SLC20A1: variants seen among roughly 807,000 people sequenced by gnomAD.
SLC20A1 encodes the protein solute carrier family 20 member 1.
Under a neutral mutation model 62.7 loss-of-function variants are expected in SLC20A1, and 28 were observed. That is an observed-to-expected ratio of 0.45 (90% CI 0.33 to 0.61). The LOEUF is 0.61. SLC20A1 is among the 20% of genes least tolerant of loss of function. SLC20A1 has a pLI of 0.02. For missense variants in SLC20A1, 673 were observed against 838.6 expected, an observed-to-expected ratio of 0.80 and a Z score of 2.44; for synonymous variants, 305 against 302.9, an observed-to-expected ratio of 1.01 and a Z score of -0.07.
chr2:112,659,005 A>T lies in SLC20A1; in HGVS notation c.959A>T (p.Lys320Ile). The T allele has an allele frequency of 6.2e-7, 1 of 1,614,204 alleles. No homozygotes were observed. The highest frequency in any genetic ancestry group is 8.5e-7 in the Non-Finnish European group (1 of 1,180,036). Residue 320 changes from lysine (K) to isoleucine (I), a missense_variant, in exon 7 of 11, where the codon AAA becomes ATA. Transcript: ENST00000272542. ...AVVEERTVSF[K>I]LGDLEEAPER... ...GTGGAGGAGAGAACAGTCTCATTCAAACTTGGAGATTTGGAGGAAGCTCCA... is the reference window on the plus strand; with the variant it reads ...GTGGAGGAGAGAACAGTCTCATTCATACTTGGAGATTTGGAGGAAGCTCCA...
intron 6 of SLC20A1, 128 bp downstream of exon 6, chr2:112,657,369 A>G (rs1267708509): frequency 1.9e-5 from 19 of 982,698 alleles, no homozygotes; most frequent in Non-Finnish European, 2.6e-5. Flanking sequence ...ATTTGAGGAT[A>G]TGGGTTTGTT....
At chr2:112,658,544 AAAAAC>A (rs1174617710) in intron 6 of SLC20A1, 1 of 332,610 alleles carries the variant, frequency 3.0e-6, no homozygotes, top group Non-Finnish European at 5.5e-6. Context: ...TTGTAAAAAT[AAAAAC>A]AAAACAACAA....
chr2:112,659,811 T>C, intron 8 of SLC20A1, 49 bp downstream of exon 8: 2 of 1,513,784 alleles, frequency 1.3e-6, no homozygotes, highest in South Asian at 1.2e-5. Context: ...TTAAACCATT[T>C]ATCCTTGTCA....
Position 112,659,688 on chromosome 2 carries a change from C to G in SLC20A1, c.1533C>G (p.Val511=), listed in dbSNP as rs1408678017. Residue 511 remains valine (V), a synonymous_variant, in exon 8 of 11, where the codon GTC becomes GTG. Transcript: ENST00000272542. ...GGTATGACCAGGATAAGCCTGAAGT[C>G]TCTCTCCTCTTCCAGTTCCTGCAGA... ...EEWYDQDKPE[V]SLLFQFLQIL... The G allele has an allele frequency of 1.2e-6, 2 of 1,614,214 alleles. No homozygotes were observed. The highest frequency in any genetic ancestry group is 1.1e-5 in the South Asian group (1 of 91,088).
chr2:112,657,618 A>G (rs187284411), intron 6 of SLC20A1, among the ~76,000 whole-genome samples: 26 of 152,350 alleles, frequency 1.7e-4, no homozygotes, highest in African/African-American at 6.0e-4. Flanking sequence ...TAAGGGGTAG[A>G]TACAAGATAT....
Position 112,657,210 on chromosome 2 carries a change from T to C in SLC20A1, c.747T>C (p.Phe249=). ...AVFCALIVWF[F]VCPRMKRKIE... ...TCTGTGCCCTTATCGTCTGGTTCTT[T>C]GTATGTCCCAGGATGAAGAGAAAAA... Residue 249 remains phenylalanine, a synonymous_variant, in exon 6 of 11, where the codon TTT becomes TTC. Transcript: ENST00000272542. 3.7e-6 allele frequency: 6 copies of C among 1,613,974 alleles called. No homozygotes were observed. The highest frequency in any genetic ancestry group is 5.1e-6 in the Non-Finnish European group (6 of 1,179,966).
rs1686300325 is a variant in SLC20A1 at position 112,647,012 on chromosome 2, G to A, written c.184G>A (p.Ala62Thr). 2 of 1,614,020 alleles carry A rather than the reference G, an allele frequency of 1.2e-6. No homozygotes were observed. The highest frequency in any genetic ancestry group is 1.7e-6 in the Non-Finnish European group (2 of 1,180,038). ...VGSGVVTLKQ[A>T]CILASIFETV... Reference sequence around the variant, plus strand: ...CTCAGGTGTAGTGACCCTGAAGCAAGCCTGCATCCTAGCTAGCATCTTTGA... The same window carrying A: ...CTCAGGTGTAGTGACCCTGAAGCAAACCTGCATCCTAGCTAGCATCTTTGA... Residue 62 changes from alanine to threonine, a missense_variant, in exon 2 of 11, where the codon GCC (alanine) becomes ACC (threonine). By Grantham distance (58) the Ala-to-Thr change is moderately conservative. Coordinates refer to ENST00000272542, the MANE Select transcript of SLC20A1 (RefSeq NM_005415.5).
In SLC20A1 at chr2:112,647,632, TC is replaced by T. The variant is rs754590210; in HGVS notation, c.476-20del. 3 of 1,603,032 alleles carry T rather than the reference TC, an allele frequency of 1.9e-6. No individual in the cohort carries two copies. In the East Asian group the frequency reaches 6.7e-5, roughly 36 times the overall value. On this transcript the variant is annotated intron_variant, in intron 3 of 10. Transcript: ENST00000272542. ...CTGATTTTCATTATTTGATATTTTT[TC>T]TTAATGTGTTCTATTCCAGTGATGT... is the stretch of plus-strand genomic sequence containing the variant.
chr2:112,650,456 C>T (rs1477409480), intron 4 of SLC20A1, among the ~76,000 whole-genome samples: 1 of 151,940 alleles, frequency 6.6e-6, no homozygotes, highest in Non-Finnish European at 1.5e-5. Context: ...CCTCAGCCTC[C>T]TGAGTAGCTG....
Position 112,647,081 on chromosome 2 carries a change from A to G in SLC20A1, c.253A>G (p.Ile85Val), listed in dbSNP as rs139763523. Reference sequence around the variant, plus strand: ...ACTGGGGGCCAAAGTGAGCGAAACCATCCGGAAGGGCTTGATTGACGTGGA... The same window carrying G: ...ACTGGGGGCCAAAGTGAGCGAAACCGTCCGGAAGGGCTTGATTGACGTGGA... Reference protein sequence around the residue: ...VLLGAKVSETIRKGLIDVEMY... With the variant: ...VLLGAKVSETVRKGLIDVEMY... Residue 85 changes from isoleucine (I) to valine (V), a missense_variant, in exon 2 of 11, where the codon ATC becomes GTC. Coordinates refer to ENST00000272542, the MANE Select transcript of SLC20A1 (RefSeq NM_005415.5). 6.8e-6 allele frequency: 11 copies of G among 1,614,056 alleles called. No individual in the cohort carries two copies. The African/African-American group carries it at 9.3e-5, about 14-fold the overall frequency.
rs774219046 is a variant in SLC20A1, at chr2:112,663,066, T to C, written c.*41T>C. On this transcript the variant is annotated 3_prime_UTR_variant, in exon 11 of 11. Coordinates refer to ENST00000272542, the MANE Select transcript of SLC20A1 (RefSeq NM_005415.5). ...AAATTTGTGTCAATGTTTGGGACCATCTTAGGTATTCCTGCTCCCCTGAAG... is the reference window on the plus strand; with the variant it reads ...AAATTTGTGTCAATGTTTGGGACCACCTTAGGTATTCCTGCTCCCCTGAAG... 91 of 1,603,588 alleles carry C rather than the reference T, an allele frequency of 5.7e-5. No individual in the cohort carries two copies. Among genetic ancestry groups the C allele is most frequent in the Non-Finnish European group, 7.1e-5 (83 of 1,170,828 alleles).
chr2:112,660,612 T>G (rs377088138), intron 9 of SLC20A1, 40 bp downstream of exon 9: 23 of 1,557,048 alleles, frequency 1.5e-5, no homozygotes, highest in Non-Finnish European at 2.0e-5. Flanking sequence ...TCAGTACTCA[T>G]TTTTTTCAGA....
rs932479023 is a variant in SLC20A1 at position 112,663,225 on chromosome 2, C to T, written c.*200C>T. 2.5e-5 allele frequency: 17 copies of T among 679,518 alleles called. No homozygotes were observed. Among genetic ancestry groups the T allele is most frequent in the Non-Finnish European group, 3.5e-5 (13 of 369,818 alleles). The allele number at this position is 679,518 out of a possible 1,614,324, so 42.1% of individuals were successfully genotyped here. ...TCAAAATTAGCTGTGTAAAATAGCC[C>T]GGGTTCCACTGGCTCCTGCTGAGGT... On this transcript the variant is annotated 3_prime_UTR_variant, in exon 11 of 11. Coordinates refer to ENST00000272542, the MANE Select transcript of SLC20A1 (RefSeq NM_005415.5).
chr2:112,646,366 A>G (rs1411413830), intron 1 of SLC20A1, among the ~76,000 whole-genome samples, 197 bp from the exon 2 acceptor site: 1 of 151,542 alleles, frequency 6.6e-6, no homozygotes, highest in Non-Finnish European at 1.5e-5. Flanking sequence ...CTGGCAGCGC[A>G]GGGGCTGGGC....
Position 112,652,597 on chromosome 2 carries a change from G to A in SLC20A1, c.562-105G>A. On this transcript the variant is annotated intron_variant, in intron 4 of 10. Coordinates refer to ENST00000272542, the MANE Select transcript of SLC20A1 (RefSeq NM_005415.5). ...TTGTCCTTGGAAACTACTCTGGAGA[G>A]AGTTATTGGCACTATAATTCCCAAA... 5.9e-6 allele frequency: 5 copies of A among 847,168 alleles called. No individual in the cohort carries two copies. The South Asian group carries it at 6.0e-5, about 10-fold the overall frequency. The allele number at this position is 847,168 out of a possible 1,614,324, so 52.5% of individuals were successfully genotyped here. A position where few individuals can be genotyped will look rare whatever the true frequency, so the allele number is the denominator to read the frequency against.
intron 4 of SLC20A1, among the ~76,000 whole-genome samples, chr2:112,651,246 GTGTATTGAT>G (rs1686426189): frequency 6.6e-6 from 1 of 152,134 alleles, no homozygotes; most frequent in Admixed American, 6.5e-5. Context: ...TAACTTTCCA[GTGTATTGAT>G]TATTGTTGGA....
chr2:112,658,756 G>T (rs541150451), intron 6 of SLC20A1, 69 bp from the exon 7 acceptor site: 1,094 of 1,491,148 alleles, frequency 7.3e-4, no homozygotes, highest in South Asian at 1.3e-3. Context: ...GGGGGTGGAG[G>T]AAAGGAGACG....
At chr2:112,652,247 G>T (rs1686461935) in intron 4 of SLC20A1, 1 of 159,208 alleles carries the variant, frequency 6.3e-6, no homozygotes, top group East Asian at 1.8e-4. Flanking sequence ...CAGATGTTTA[G>T]ATAAGATGGT....
intron 6 of SLC20A1, 187 bp from the exon 7 acceptor site, chr2:112,658,638 T>G (rs1014407063): frequency 1.2e-5 from 8 of 661,816 alleles, no homozygotes; most frequent in Non-Finnish European, 1.7e-5. Context: ...TCTGCATTGC[T>G]GGTTGTTCCC....
Sources: allele counts gnomAD v4.1 joint callset (sites outside exome capture counted in the v4.1 genomes callset), GRCh38; gene constraint gnomAD v4.1.1; transcripts MANE v1.5; gene names NCBI Gene and HGNC (gene_info 2026-07-23, HGNC 2026-07-21).